AMPD3: variants seen among roughly 807,000 people sequenced by gnomAD.
AMPD3 encodes adenosine monophosphate deaminase 3.
AMPD3 carries 57 observed loss-of-function variants against 82.3 expected under a neutral mutation model. That is an observed-to-expected ratio of 0.69 (90% CI 0.56 to 0.86). The LOEUF (loss-of-function observed/expected upper bound fraction) is 0.86, where lower values mean the gene tolerates loss of function less well. Among genes scored for constraint, AMPD3 ranks in the 40% least tolerant of loss-of-function variants. The pLI, the probability that AMPD3 is intolerant of heterozygous loss-of-function variation, is 0.00. For synonymous variants in AMPD3, 381 were observed against 394.7 expected (o/e 0.97, Z 0.41); for missense variants, 870 against 1,003.8 (o/e 0.87, Z 1.80).
rs1041574702 is a variant in AMPD3, at chr11:10,477,952, T to C, written c.222-574T>C. ...GTCGCTAGTCCACGGTCCTGAGCAC[T>C]GTCTCGACTCCTTTGTAAAACAAGG... On this transcript the variant is annotated intron_variant, in intron 2 of 14. Coordinates refer to ENST00000396553, the MANE Select transcript of AMPD3 (RefSeq NM_001025389.2). The C allele has an allele frequency of 4.1e-6, 4 of 985,352 alleles. No homozygotes were observed. The African/African-American group carries it at 7.0e-5, about 17-fold the overall frequency. 61.0% of individuals were successfully genotyped at this position (985,352 alleles called of 1,614,324 possible). A position where few individuals can be genotyped will look rare whatever the true frequency, so the allele number is the denominator to read the frequency against.
chr11:10,480,354 G>T (rs1484802563), intron 3 of AMPD3, among the ~76,000 whole-genome samples: 1 of 152,118 alleles, frequency 6.6e-6, no homozygotes, highest in Non-Finnish European at 1.5e-5. Flanking sequence ...TTGTTGGCAG[G>T]GACATATTTT....
intron 2 of AMPD3, among the ~76,000 whole-genome samples, chr11:10,472,840 C>T (rs1163276969): frequency 1.3e-5 from 2 of 151,838 alleles, no homozygotes; most frequent in Non-Finnish European, 2.9e-5. Context: ...CCTGTCTTTA[C>T]TAAAAATATA....
chr11:10,482,335 T>A, intron 4 of AMPD3, 110 bp downstream of exon 4: 1 of 1,229,542 alleles, frequency 8.1e-7, no homozygotes, highest in South Asian at 1.5e-5. Context: ...AAAATGACAA[T>A]GTTCTTTCAT....
chr11:10,504,784 A>G, intron 14 of AMPD3, 125 bp downstream of exon 14: 1 of 918,082 alleles, frequency 1.1e-6, no homozygotes, highest in South Asian at 1.3e-5. Flanking sequence ...ACACTCAGGC[A>G]CAGGGAGAGA....
intron 2 of AMPD3, among the ~76,000 whole-genome samples, chr11:10,469,561 A>G (rs1848522835): frequency 6.6e-6 from 1 of 152,216 alleles, no homozygotes; most frequent in African/African-American, 2.4e-5. Context: ...AAATTCTACC[A>G]GAGGTACAAA....
intron 2 of AMPD3, among the ~76,000 whole-genome samples, chr11:10,468,375 C>A (rs1181202984): frequency 6.7e-6 from 1 of 149,444 alleles, no homozygotes; most frequent in African/African-American, 2.4e-5. Context: ...GCAAGTTTAA[C>A]CTCTGATAAA....
At chr11:10,497,957 G>T (rs1849468298) in intron 10 of AMPD3, among the ~76,000 whole-genome samples, 1 of 152,188 alleles carries the variant, frequency 6.6e-6, no homozygotes, top group Admixed American at 6.5e-5. Context: ...GCTCTCCCTG[G>T]ATTATCTCAT....
At chr11:10,484,466 C>A in intron 4 of AMPD3, 1 of 985,180 alleles carries the variant, frequency 1.0e-6, no homozygotes. Context: ...TCTGAAGTGC[C>A]GAGGAAAATG....
At chr11:10,460,848 A>G (rs1848248235) in intron 1 of AMPD3, 1 of 977,250 alleles carries the variant, frequency 1.0e-6, no homozygotes, top group Non-Finnish European at 1.2e-6. Context: ...AGGAATCAGT[A>G]TGCGAGGAGG....
At position 10,505,745 on chromosome 11, in the gene AMPD3, A is replaced by G; in HGVS notation, c.2165A>G (p.Glu722Gly). The G allele has an allele frequency of 6.2e-7, 1 of 1,614,136 alleles. No homozygotes were observed. Among genetic ancestry groups the G allele is most frequent in the Non-Finnish European group, 8.5e-7 (1 of 1,180,050 alleles). ...TTTCTGGGACAAAATTATTATAAAG[A>G]AGGACCTGAAGGAAATGATATTCGA... ...QKFLGQNYYKEGPEGNDIRKT... is the reference protein window; with the variant it reads ...QKFLGQNYYKGGPEGNDIRKT... The change falls in exon 15 of 15, where the codon GAA (glutamate) becomes GGA (glycine). Residue 722 changes from glutamate to glycine, a missense_variant. Physicochemically the swap from Glu to Gly is moderately conservative, Grantham distance 98. Coordinates refer to ENST00000396553, the MANE Select transcript of AMPD3 (RefSeq NM_001025389.2).
At chr11:10,460,358 C>A (rs933893335) in intron 1 of AMPD3, among the ~76,000 whole-genome samples, 13 of 151,490 alleles carry the variant, frequency 8.6e-5, no homozygotes, top group African/African-American at 3.1e-4. Flanking sequence ...CTTGACCTCC[C>A]AAAGTGCTGG....
chr11:10,503,908 G>A (rs1456105257), intron 13 of AMPD3: 16 of 980,370 alleles, frequency 1.6e-5, no homozygotes, highest in Middle Eastern at 5.2e-4. Flanking sequence ...CCTGTACTTC[G>A]AGAACTATTG....
chr11:10,504,444 G>T (rs1849660728), intron 13 of AMPD3, 105 bp from the exon 14 acceptor site: 3 of 1,231,910 alleles, frequency 2.4e-6, no homozygotes, highest in Admixed American at 3.4e-5. Flanking sequence ...ATTTAGTGAG[G>T]AAAAGTTAAA....
At chr11:10,493,810 C>T (rs1849312589) in intron 7 of AMPD3, 1 of 548,108 alleles carries the variant, frequency 1.8e-6, no homozygotes, top group Non-Finnish European at 3.3e-6. Context: ...CCTTAGGCAA[C>T]TCACAGAAGC....
chr11:10,502,224 G>A (rs1447569964), intron 12 of AMPD3: 1 of 985,316 alleles, frequency 1.0e-6, no homozygotes, highest in Admixed American at 6.1e-5. Context: ...TTTGGGTGGG[G>A]TGGGTGCTAC....
chr11:10,457,788 G>A (rs35548473), intron 1 of AMPD3, among the ~76,000 whole-genome samples: 2,880 of 152,224 alleles, frequency 0.019, 41 homozygotes, highest in Middle Eastern at 0.054. Context: ...CCAGCTACTC[G>A]GGAGGCTGAG....
intron 2 of AMPD3, among the ~76,000 whole-genome samples, chr11:10,477,595 G>T (rs1848777450): frequency 6.6e-6 from 1 of 152,188 alleles, no homozygotes; most frequent in African/African-American, 2.4e-5. Flanking sequence ...GGGCCCAAGA[G>T]CCAGTGTAAT....
chr11:10,486,991 A>G (rs190294081), intron 5 of AMPD3: 976 of 985,288 alleles, frequency 9.9e-4, no homozygotes, highest in Non-Finnish European at 1.1e-3. Flanking sequence ...AAGTCAAAAC[A>G]CCTGTATGAG....
chr11:10,455,893 A>T, intron 1 of AMPD3: 1 of 985,082 alleles, frequency 1.0e-6, no homozygotes, highest in Non-Finnish European at 1.2e-6. Flanking sequence ...AAATGCAGCC[A>T]GGCCTGAAGC....
Sources: gnomAD v4.1 joint callset for allele counts (sites outside exome capture counted in the v4.1 genomes callset) on GRCh38, gnomAD v4.1.1 for gene constraint, MANE v1.5 for transcripts, NCBI Gene and HGNC (gene_info 2026-07-23, HGNC 2026-07-21) for gene names.